NFXL1: variants seen among roughly 807,000 people sequenced by gnomAD.
The protein encoded by NFXL1 is NF-X1-type zinc finger protein NFXL1.
In NFXL1, 66 loss-of-function variants were observed where a neutral mutation model predicts 123.3. The ratio of observed to expected loss-of-function variants is 0.54; its 90% CI spans 0.44 to 0.66. The LOEUF (loss-of-function observed/expected upper bound fraction) is 0.66, where lower values mean the gene tolerates loss of function less well. NFXL1 is among the 30% of genes least tolerant of loss of function. NFXL1 has a pLI of 0.00. For missense variants in NFXL1, 944 were observed against 1,125.6 expected, an observed-to-expected ratio of 0.84 and a Z score of 2.31; for synonymous variants, 346 against 360.8, an observed-to-expected ratio of 0.96 and a Z score of 0.46.
chr4:47,877,288 G>A, intron 17 of NFXL1: 1 of 400,608 alleles, frequency 2.5e-6, no homozygotes, highest in Non-Finnish European at 5.0e-6. Flanking sequence ...TTATCTTCCT[G>A]GATCACTTCC....
intron 21 of NFXL1, 140 bp downstream of exon 21, chr4:47,851,716 C>A: frequency 1.8e-6 from 1 of 560,838 alleles, no homozygotes; most frequent in Non-Finnish European, 3.1e-6. Context: ...ATCTGCCATT[C>A]AAAATAAGCC....
intron 9 of NFXL1, 37 bp downstream of exon 9, chr4:47,897,930 C>A (rs1737180726): frequency 3.9e-6 from 5 of 1,288,602 alleles, no homozygotes; most frequent in Non-Finnish European, 4.4e-6. Flanking sequence ...CTTGACAGAT[C>A]ATTTCCTATA....
chr4:47,858,107 A>G (rs1455100407), intron 19 of NFXL1, among the ~76,000 whole-genome samples: 1 of 152,208 alleles, frequency 6.6e-6, no homozygotes, highest in Non-Finnish European at 1.5e-5. Flanking sequence ...AGGCAAAAGT[A>G]ACACCTCTAA....
chr4:47,892,354 A>T (rs1736826789), intron 11 of NFXL1, among the ~76,000 whole-genome samples: 1 of 152,222 alleles, frequency 6.6e-6, no homozygotes, highest in Admixed American at 6.5e-5. Context: ...CAGAGAGGCC[A>T]GTGTGGCTAG....
intron 5 of NFXL1, among the ~76,000 whole-genome samples, chr4:47,900,364 C>T (rs1161137105): frequency 6.6e-6 from 1 of 152,114 alleles, no homozygotes; most frequent in Non-Finnish European, 1.5e-5. Context: ...TGCACGCCAC[C>T]ACGTCCAGCT....
chr4:47,909,927 C>G (rs1737744358), intron 3 of NFXL1, among the ~76,000 whole-genome samples: 1 of 152,148 alleles, frequency 6.6e-6, no homozygotes, highest in South Asian at 2.1e-4. Context: ...TCCCAAAGTG[C>G]TGGGGTTATA....
chr4:47,866,505 A>C (rs1000627472), intron 18 of NFXL1, among the ~76,000 whole-genome samples: 2 of 152,210 alleles, frequency 1.3e-5, no homozygotes, highest in African/African-American at 4.8e-5. Context: ...ATGACATCCA[A>C]AGCCTTTTTG....
chr4:47,894,322 G>C lies in NFXL1; in HGVS notation c.1330-20C>G. 6.5e-7 allele frequency: 1 copy of C among 1,545,922 alleles called. No homozygotes were observed. The highest frequency in any genetic ancestry group is 1.3e-5 in the South Asian group (1 of 79,710). On this transcript the variant is annotated intron_variant, in intron 10 of 22. Transcript: ENST00000507489. ...CACTTCCTGGAAGAATAAAAGAAAT[G>C]CTATTAAAATTGATTTTTGTTAATA...
At chr4:47,896,789 T>A (rs1737113910) in intron 9 of NFXL1, 142 bp from the exon 10 acceptor site, 1 of 555,726 alleles carries the variant, frequency 1.8e-6, no homozygotes, top group South Asian at 2.8e-5. Flanking sequence ...TTGGGAAAAA[T>A]TAACTTTAAT....
chr4:47,851,292 G>A (rs1560577580), intron 21 of NFXL1, 144 bp from the exon 22 acceptor site: 2 of 636,964 alleles, frequency 3.1e-6, no homozygotes. Context: ...ATGCTATACT[G>A]AGACAAGGTT....
chr4:47,872,769 T>C (rs1735531517), intron 18 of NFXL1, among the ~76,000 whole-genome samples: 1 of 152,222 alleles, frequency 6.6e-6, no homozygotes. Context: ...ATGGAGCATC[T>C]TGCCTAGATG....
intron 15 of NFXL1, among the ~76,000 whole-genome samples, chr4:47,880,795 C>A (rs535553394): frequency 1.0e-5 from 1 of 99,264 alleles, no homozygotes; most frequent in African/African-American, 3.7e-5. Flanking sequence ...AACAGTAAAC[C>A]TAATTAATGA....
chr4:47,894,345 A>T (rs374422326), intron 10 of NFXL1, 43 bp from the exon 11 acceptor site: 2 of 1,475,926 alleles, frequency 1.4e-6, no homozygotes, highest in Admixed American at 2.2e-5. Flanking sequence ...ATTTTTGTTA[A>T]TATTTTTTCC....
rs1474658492 is a variant in NFXL1 at position 47,911,807 on chromosome 4, G to C, written c.236-813C>G. The stretch of plus-strand genomic sequence containing the variant: ...CCCAAAGAAACTTCAAACTTCTTGA[G>C]AGCAAGGACCACAGGGATTTTCTTC... On this transcript the variant is annotated intron_variant, in intron 2 of 22. Coordinates refer to ENST00000507489, the MANE Select transcript of NFXL1 (RefSeq NM_001278624.2). 5.3e-5 allele frequency among the ~76,000 whole-genome samples: 8 copies of C among 152,288 alleles called. No homozygotes were observed. The East Asian group carries it at 1.3e-3, about 26-fold the overall frequency.
At chr4:47,889,647 A>ACT (rs1560597020) in intron 12 of NFXL1, among the ~76,000 whole-genome samples, 1 of 152,168 alleles carries the variant, frequency 6.6e-6, no homozygotes, top group Non-Finnish European at 1.5e-5. Flanking sequence ...AGGATTTCTT[A>ACT]CTCTAAGTCC....
intron 5 of NFXL1, 147 bp downstream of exon 5, chr4:47,903,046 T>C (rs577791533): frequency 4.2e-4 from 157 of 371,604 alleles, no homozygotes; most frequent in Non-Finnish European, 6.6e-4. Flanking sequence ...TCCCAGCTAC[T>C]CAGGAGGCTG....
chr4:47,886,384 T>G (rs1736432891), intron 12 of NFXL1, among the ~76,000 whole-genome samples: 1 of 152,152 alleles, frequency 6.6e-6, no homozygotes, highest in Admixed American at 6.5e-5. Flanking sequence ...TCTTTTTTTT[T>G]TTGTAACAGG....
intron 12 of NFXL1, among the ~76,000 whole-genome samples, chr4:47,890,200 T>C (rs1736684203): frequency 6.6e-6 from 1 of 152,134 alleles, no homozygotes; most frequent in South Asian, 2.1e-4. Context: ...TTCGGACATA[T>C]CTAATCCTTT....
intron 22 of NFXL1, among the ~76,000 whole-genome samples, chr4:47,849,454 T>C (rs993836148): frequency 6.6e-6 from 1 of 152,122 alleles, no homozygotes; most frequent in African/African-American, 2.4e-5. Flanking sequence ...TTGTAAATGG[T>C]TATTTAATAG....
Sources: allele counts gnomAD v4.1 joint callset (sites outside exome capture counted in the v4.1 genomes callset), GRCh38; gene constraint gnomAD v4.1.1; transcripts MANE v1.5; gene names NCBI Gene and HGNC (gene_info 2026-07-23, HGNC 2026-07-21).